ZYG11A: variants seen among roughly 807,000 people sequenced by gnomAD.
ZYG11A encodes protein zyg-11 homolog A.
In ZYG11A, 62 loss-of-function variants were observed where a neutral mutation model predicts 77.2. The observed-to-expected ratio is 0.80, with a 90% CI of 0.65 to 0.99. ZYG11A has a LOEUF of 0.99. Ranked by LOEUF, ZYG11A falls within the 50% of genes least tolerant of loss-of-function variation. The pLI is 0.00. For synonymous variants in ZYG11A, 315 were observed against 324.6 expected (o/e 0.97, Z 0.32); for missense variants, 828 against 896.8 (o/e 0.92, Z 0.98).
In ZYG11A at chr1:52,854,532, T is replaced by C; in HGVS notation, c.158T>C (p.Leu53Ser). Residue 53 changes from leucine to serine, a missense_variant, in exon 2 of 14, where the codon TTG becomes TCG. By Grantham distance (145) the Leu-to-Ser change is moderately radical (BLOSUM62 -2). Coordinates refer to ENST00000371528, the MANE Select transcript of ZYG11A (RefSeq NM_001004339.3). ...GTCCTGATTGCTAACCTGGAGAAAT[T>C]GTGTTCTGAAAGACCTGATGGAACA... ...LNVLIANLEK[L>S]CSERPDGTLC... 5 of 1,551,722 alleles carry C rather than the reference T, an allele frequency of 3.2e-6. No homozygotes were observed. Among genetic ancestry groups the C allele is most frequent in the South Asian group, 1.2e-5 (1 of 83,886 alleles).
In ZYG11A at chr1:52,887,019, A is replaced by T; in HGVS notation, c.2070A>T (p.Ala690=). 1 of 1,547,416 alleles carries T rather than the reference A, an allele frequency of 6.5e-7. No homozygotes were observed. The change falls in exon 13 of 14, where the codon GCA becomes GCT. Residue 690 remains alanine (A), a synonymous_variant. Coordinates refer to ENST00000371528, the MANE Select transcript of ZYG11A (RefSeq NM_001004339.3). The stretch of plus-strand genomic sequence containing the variant: ...CTCAACCAGAGGTTCAGCTCTGGGC[A>T]CTATGGGCTATGTATCATGTCTGCA... ...NFSQPEVQLW[A]LWAMYHVCSK...
Position 52,894,679 on chromosome 1 carries a change from C to T in ZYG11A, c.*1722C>T, listed in dbSNP as rs1405053321. 1 of 152,242 alleles carries T rather than the reference C, an allele frequency of 6.6e-6. No homozygotes were observed. Among genetic ancestry groups the T allele is most frequent in the Non-Finnish European group, 1.5e-5 (1 of 68,050 alleles). 9.4% of individuals were successfully genotyped at this position (152,242 alleles called of 1,614,324 possible). The stretch of plus-strand genomic sequence containing the variant: ...AATGAGGAAGAAGCTCATTCTCTTA[C>T]TCTAAACCATGTTCCAAACTATTAC... On this transcript the variant is annotated 3_prime_UTR_variant, in exon 14 of 14. Coordinates refer to ENST00000371528, the MANE Select transcript of ZYG11A (RefSeq NM_001004339.3).
intron 1 of ZYG11A, among the ~76,000 whole-genome samples, chr1:52,852,369 T>A (rs78864942): frequency 6.9e-5 from 3 of 43,526 alleles, no homozygotes; most frequent in African/African-American, 1.4e-4. Flanking sequence ...TTAGAGCAAA[T>A]TTTTTTTTTT....
chr1:52,859,000 A>G (rs113335687), intron 3 of ZYG11A, among the ~76,000 whole-genome samples: 2,217 of 152,062 alleles, frequency 0.015, 64 homozygotes, highest in African/African-American at 0.051. Context: ...TGATTTGTAT[A>G]CTCATTAGTT....
intron 2 of ZYG11A, 29 bp from the exon 3 acceptor site, chr1:52,856,969 A>G (rs1287408101): frequency 2.0e-6 from 3 of 1,493,608 alleles, no homozygotes; most frequent in Non-Finnish European, 2.7e-6. Flanking sequence ...TCTAGTTGTC[A>G]TTACAAGTTG....
rs1646572255 is a variant in ZYG11A at position 52,893,016 on chromosome 1, G to A, written c.*59G>A. The A allele has an allele frequency of 7.0e-7, 1 of 1,432,494 alleles. No homozygotes were observed. The highest frequency in any genetic ancestry group is 1.4e-5 in the African/African-American group (1 of 70,482). The allele number at this position is 1,432,494 out of a possible 1,614,324, so 88.7% of individuals were successfully genotyped here. ...CAATGTCAGGTGTTCTGCCCTGGCA[G>A]TAATTGCACATCAGTTGTCATTGGA... On this transcript the variant is annotated 3_prime_UTR_variant, in exon 14 of 14. Coordinates refer to ENST00000371528, the MANE Select transcript of ZYG11A (RefSeq NM_001004339.3).
intron 1 of ZYG11A, among the ~76,000 whole-genome samples, chr1:52,844,323 T>A (rs911472788): frequency 1.3e-5 from 2 of 152,182 alleles, no homozygotes; most frequent in African/African-American, 4.8e-5. Flanking sequence ...TTGAACTCAT[T>A]TAGAAAAGTT....
Position 52,854,836 on chromosome 1 carries a change from C to T in ZYG11A, c.256+206C>T, listed in dbSNP as rs191313652. ...GACTTGGTTTTCCACTCTTCACTTA[C>T]GTAAAGTTATCACTCATCCATCTGC... On this transcript the variant is annotated intron_variant, in intron 2 of 13. Coordinates refer to ENST00000371528, the MANE Select transcript of ZYG11A (RefSeq NM_001004339.3). 6.7e-4 allele frequency among the ~76,000 whole-genome samples: 102 copies of T among 151,892 alleles called. 1 individual carries two copies. The highest frequency in any genetic ancestry group is 2.2e-3 in the African/African-American group (92 of 41,432).
chr1:52,885,710 G>T (rs538630408), intron 11 of ZYG11A, 123 bp from the exon 12 acceptor site: 1 of 667,356 alleles, frequency 1.5e-6, no homozygotes. Flanking sequence ...TAATCGTTAT[G>T]TGATTGATAT....
At chr1:52,854,368 T>TA in intron 1 of ZYG11A, 97 bp from the exon 2 acceptor site, 1 of 1,124,984 alleles carries the variant, frequency 8.9e-7, no homozygotes, top group East Asian at 2.7e-5. Context: ...TATCTTCAGA[T>TA]ACTCTCATCA....
At position 52,860,842 on chromosome 1, in the gene ZYG11A, A is replaced by G. The variant is rs200333723; in HGVS notation, c.1120A>G (p.Met374Val). The G allele has an allele frequency of 3.9e-5, 60 of 1,551,744 alleles. 1 individual carries two copies. The highest frequency in any genetic ancestry group is 2.7e-5 in the African/African-American group (2 of 73,182). ...LHRLFTETFS[M>V]EVTMPAILKL... ...CAGGCTGTTCACAGAGACATTTTCA[A>G]TGGAGGTAACCATGCCTGCTATTTT... The change falls in exon 4 of 14, where the codon ATG becomes GTG. Residue 374 changes from methionine (M) to valine (V), a missense_variant. Coordinates refer to ENST00000371528, the MANE Select transcript of ZYG11A (RefSeq NM_001004339.3).
chr1:52,851,757 T>C (rs1039954103), intron 1 of ZYG11A, among the ~76,000 whole-genome samples: 6 of 151,598 alleles, frequency 4.0e-5, no homozygotes, highest in Non-Finnish European at 8.8e-5. Flanking sequence ...TACTTATTTT[T>C]TATTTTTTGA....
At chr1:52,863,651 T>TC (rs748261485) in intron 4 of ZYG11A, among the ~76,000 whole-genome samples, 4 of 152,252 alleles carry the variant, frequency 2.6e-5, no homozygotes, top group African/African-American at 4.8e-5. Flanking sequence ...CGAGTAGCTC[T>TC]CACTCATGTT....
intron 8 of ZYG11A, among the ~76,000 whole-genome samples, chr1:52,877,185 TC>T (rs1646276759): frequency 6.6e-6 from 1 of 152,146 alleles, no homozygotes; most frequent in South Asian, 2.1e-4. Flanking sequence ...ATCCTCTTTT[TC>T]TTCTGGTCTC....
intron 1 of ZYG11A, among the ~76,000 whole-genome samples, chr1:52,845,962 G>A (rs1435075991): frequency 6.6e-6 from 1 of 151,954 alleles, no homozygotes; most frequent in African/African-American, 2.4e-5. Flanking sequence ...CGGCCTTTCT[G>A]TGCTTTTTAA....
intron 6 of ZYG11A, 40 bp downstream of exon 6, chr1:52,866,607 T>C: frequency 7.7e-7 from 1 of 1,296,466 alleles, no homozygotes; most frequent in Non-Finnish European, 1.1e-6. Flanking sequence ...GGTGTTGGCC[T>C]TTGGTTATTA....
chr1:52,886,089 T>A (rs946112305), intron 12 of ZYG11A, among the ~76,000 whole-genome samples, 195 bp downstream of exon 12: 1 of 152,076 alleles, frequency 6.6e-6, no homozygotes, highest in Admixed American at 6.6e-5. Flanking sequence ...CCCGCCACCA[T>A]GCCCGGCTAA....
rs1333787016 is a variant in ZYG11A at position 52,857,059 on chromosome 1, C to T, written c.318C>T (p.Val106=). ...GCAACCAAATGAAACTGAAGCTGGT[C>T]AATATCCAAAAAGCTAAAATCTCTA... The part of the protein sequence containing the change: ...FRGNQMKLKL[V]NIQKAKISTA... The change falls in exon 3 of 14, where the codon GTC becomes GTT. Residue 106 remains valine, a synonymous_variant. Coordinates refer to ENST00000371528, the MANE Select transcript of ZYG11A (RefSeq NM_001004339.3). 1.3e-6 allele frequency: 2 copies of T among 1,550,768 alleles called. No homozygotes were observed. The highest frequency in any genetic ancestry group is 2.0e-5 in the Admixed American group (1 of 50,890).
At position 52,857,084 on chromosome 1, in the gene ZYG11A, A is replaced by G; in HGVS notation, c.343A>G (p.Thr115Ala). The G allele has an allele frequency of 6.4e-7, 1 of 1,551,688 alleles. No individual in the cohort carries two copies. Among genetic ancestry groups the G allele is most frequent in the Non-Finnish European group, 8.7e-7 (1 of 1,146,974 alleles). Residue 115 changes from threonine (T) to alanine (A), a missense_variant, in exon 3 of 14, where the codon ACA (threonine) becomes GCA (alanine). Thr to Ala is a moderately conservative substitution (Grantham distance 58). Coordinates refer to ENST00000371528, the MANE Select transcript of ZYG11A (RefSeq NM_001004339.3). ...CAATATCCAAAAAGCTAAAATCTCT[A>G]CAGCTGCATTCATAAAAGCCTTCTG... ...LVNIQKAKIS[T>A]AAFIKAFCRH...
Sources: allele counts gnomAD v4.1 joint callset (sites outside exome capture counted in the v4.1 genomes callset), GRCh38; gene constraint gnomAD v4.1.1; transcripts MANE v1.5; gene names NCBI Gene and HGNC (gene_info 2026-07-23, HGNC 2026-07-21).